The following IPP variants were observed in gnomAD, a reference collection of about 807,000 sequenced individuals.
IPP encodes intracisternal A particle-promoted polypeptide, also known as actin-binding protein IPP.
In IPP, 41 loss-of-function variants were observed where a neutral mutation model predicts 64.1. The ratio of observed to expected loss-of-function variants is 0.64; its 90% confidence interval spans 0.50 to 0.83. The LOEUF (loss-of-function observed/expected upper bound fraction) is 0.83. IPP is among the 40% of genes least tolerant of loss of function. The pLI is 0.00. For synonymous variants in IPP, 214 were observed against 235.2 expected, an observed-to-expected ratio of 0.91 and a Z score of 0.83; for missense variants, 649 against 703.0, an observed-to-expected ratio of 0.92 and a Z score of 0.87.
intron 3 of IPP, 34 bp from the exon 4 acceptor site, chr1:45,729,803 C>T: frequency 7.7e-7 from 1 of 1,295,278 alleles, no homozygotes; most frequent in East Asian, 2.5e-5. Flanking sequence ...ATGTTTTAAA[C>T]AATTTTTAAA....
At chr1:45,749,704 T>TAA (rs1388288972) in intron 1 of IPP, among the ~76,000 whole-genome samples, 1 of 151,538 alleles carries the variant, frequency 6.6e-6, no homozygotes, top group Non-Finnish European at 1.5e-5. Flanking sequence ...GCATTTTTAG[T>TAA]AGAGACGGGG....
chr1:45,717,113 T>C (rs1182842617), intron 6 of IPP, 96 bp from the exon 7 acceptor site: 1 of 1,158,802 alleles, frequency 8.6e-7, no homozygotes, highest in African/African-American at 1.6e-5. Flanking sequence ...CTTCATATTA[T>C]AGATATCACA....
Position 45,741,754 on chromosome 1 carries a change from G to A in IPP, c.293-422C>T, listed in dbSNP as rs376776560. ...CGCCATTCTCCTGCCTCAGCCTCCC[G>A]AGTAGCTGGGACTACAGGCGCCCGC... On this transcript the variant is annotated intron_variant, in intron 2 of 8. Coordinates refer to ENST00000396478, the MANE Select transcript of IPP (RefSeq NM_005897.3). Among the ~76,000 whole-genome samples the A allele has an allele frequency of 2.2e-3, 261 of 118,518 alleles. 41 individuals are homozygous for A. The highest frequency in any genetic ancestry group is 7.3e-3 in the African/African-American group (244 of 33,260). 77.8% of individuals were successfully genotyped at this position (118,518 alleles called of 152,430 possible). A position where few individuals can be genotyped will look rare whatever the true frequency, so the allele number is the denominator to read the frequency against.
At chr1:45,734,979 C>T (rs1248626721) in intron 3 of IPP, among the ~76,000 whole-genome samples, 1 of 152,174 alleles carries the variant, frequency 6.6e-6, no homozygotes, top group Non-Finnish European at 1.5e-5. Flanking sequence ...AGGATTTCAC[C>T]ATGTTGGCCA....
rs1355440032 is a variant in IPP, at chr1:45,725,831, G to T, written c.1048+1800C>A. 2.9e-5 allele frequency among the ~76,000 whole-genome samples: 4 copies of T among 136,448 alleles called. No homozygotes were observed. The Admixed American group carries it at 3.1e-4, about 10-fold the overall frequency. The allele number at this position is 136,448 out of a possible 152,430, so 89.5% of individuals were successfully genotyped here. On this transcript the variant is annotated intron_variant, in intron 5 of 8. Transcript: ENST00000396478. Reference sequence around the variant, plus strand: ...CTGAAACATGTGCTGTGTCCACTCAGAGTTAAATGGATTAAGGGCGGTGCA... The same window carrying T: ...CTGAAACATGTGCTGTGTCCACTCATAGTTAAATGGATTAAGGGCGGTGCA...
intron 8 of IPP, among the ~76,000 whole-genome samples, chr1:45,707,422 C>CAAAA (rs66578618): frequency 6.0e-4 from 44 of 73,482 alleles, no homozygotes; most frequent in Admixed American, 1.2e-3. Context: ...GACTCCATAT[C>CAAAA]AAAAAAAAAA....
intron 5 of IPP, among the ~76,000 whole-genome samples, chr1:45,720,037 T>C (rs1372788975): frequency 6.6e-6 from 1 of 151,816 alleles, no homozygotes; most frequent in Non-Finnish European, 1.5e-5. Context: ...ATGAAAAAAT[T>C]TTAAAAAGAT....
At position 45,746,348 on chromosome 1, in the gene IPP, G is replaced by A. The variant is rs751299227; in HGVS notation, c.64C>T (p.Leu22Phe). ...SPFSSDKHAQ[L>F]ILAQINKMRN... ...ATCTTATTGATTTGGGCCAAGATGA[G>A]TTGGGCATGTTTATCTGATGAAAAA... Residue 22 changes from leucine to phenylalanine, a missense_variant, in exon 2 of 9, where the codon CTC (leucine) becomes TTC (phenylalanine). By Grantham distance (22) the Leu-to-Phe change is conservative. Transcript: ENST00000396478. The A allele has an allele frequency of 1.2e-6, 2 of 1,613,772 alleles. No homozygotes were observed. Among genetic ancestry groups the A allele is most frequent in the East Asian group, 4.5e-5 (2 of 44,880 alleles).
At chr1:45,731,671 C>T (rs951472300) in intron 3 of IPP, among the ~76,000 whole-genome samples, 1 of 151,918 alleles carries the variant, frequency 6.6e-6, no homozygotes, top group African/African-American at 2.4e-5. Flanking sequence ...TGTGGTGGCT[C>T]ACGCTTCTAA....
intron 5 of IPP, among the ~76,000 whole-genome samples, chr1:45,724,243 C>G (rs899750365): frequency 6.6e-6 from 1 of 152,178 alleles, no homozygotes; most frequent in African/African-American, 2.4e-5. Flanking sequence ...CTTCGCCTCC[C>G]GAGGTGCCGG....
Position 45,737,420 on chromosome 1 carries a change from C to A in IPP, c.724+3481G>T, listed in dbSNP as rs552944413. ...TGATTTCAATTACCCATTAATATTT[C>A]CAAAATATTAAGTGGAAATTCCAGA... On this transcript the variant is annotated intron_variant, in intron 3 of 8. Transcript: ENST00000396478. 5.9e-5 allele frequency among the ~76,000 whole-genome samples: 9 copies of A among 151,532 alleles called. No individual in the cohort carries two copies. In the East Asian group the frequency reaches 1.7e-3, roughly 29 times the overall value.
At chr1:45,701,296 T>G (rs12089994) in intron 8 of IPP, among the ~76,000 whole-genome samples, 2 of 149,190 alleles carry the variant, frequency 1.3e-5, no homozygotes, top group Non-Finnish European at 3.0e-5. Context: ...TTTTTTTTTG[T>G]TTTTTTTTGA....
intron 3 of IPP, among the ~76,000 whole-genome samples, chr1:45,736,766 G>A (rs562897124): frequency 6.6e-6 from 1 of 152,006 alleles, no homozygotes; most frequent in African/African-American, 2.4e-5. Flanking sequence ...GGAGGCGGGC[G>A]CGGTGGCTCA....
Position 45,699,355 on chromosome 1 carries a change from A to G in IPP, c.*611T>C, listed in dbSNP as rs768545353. 1.0e-6 allele frequency: 1 copy of G among 984,900 alleles called. No individual in the cohort carries two copies. Among genetic ancestry groups the G allele is most frequent in the Non-Finnish European group, 1.2e-6 (1 of 829,436 alleles). The allele number at this position is 984,900 out of a possible 1,614,324, so 61.0% of individuals were successfully genotyped here. A position where few individuals can be genotyped will look rare whatever the true frequency, so the allele number is the denominator to read the frequency against. On this transcript the variant is annotated 3_prime_UTR_variant, in exon 9 of 9. Coordinates refer to ENST00000396478, the MANE Select transcript of IPP (RefSeq NM_005897.3). ...ATGGCCATGGAAAATTATGCTCTGGATATAATTGTGAATATAGAGGTCTTT... is the reference window on the plus strand; with the variant it reads ...ATGGCCATGGAAAATTATGCTCTGGGTATAATTGTGAATATAGAGGTCTTT...
At chr1:45,716,530 C>G (rs951191492) in intron 7 of IPP, among the ~76,000 whole-genome samples, 8 of 152,310 alleles carry the variant, frequency 5.3e-5, no homozygotes, top group African/African-American at 1.9e-4. Flanking sequence ...CAGGCATGAG[C>G]CACCACACCC....
At chr1:45,725,181 CCGGCCAGCCGCCCCG>C (rs1267693534) in intron 5 of IPP, among the ~76,000 whole-genome samples, 1 of 142,510 alleles carries the variant, frequency 7.0e-6, no homozygotes, top group Non-Finnish European at 1.6e-5. Context: ...AGCCCCCCGC[CCGGCCAGCCGCCCCG>C]TCCGGGAGGG....
chr1:45,717,220 A>G (rs1645671767), intron 6 of IPP, among the ~76,000 whole-genome samples: 1 of 58,854 alleles, frequency 1.7e-5, no homozygotes. Context: ...TGCTCTTTTG[A>G]GAAAAAAAAA....
chr1:45,713,587 G>C (rs1645619952), intron 8 of IPP, among the ~76,000 whole-genome samples: 1 of 151,704 alleles, frequency 6.6e-6, no homozygotes, highest in Non-Finnish European at 1.5e-5. Flanking sequence ...TCTTTTGAGA[G>C]AGGGTCTCTT....
At chr1:45,725,535 C>T (rs1645811166) in intron 5 of IPP, among the ~76,000 whole-genome samples, 1 of 138,208 alleles carries the variant, frequency 7.2e-6, no homozygotes, top group African/African-American at 2.6e-5. Context: ...CCGGCCGCCC[C>T]TACTGGGAAG....
Sources: allele counts gnomAD v4.1 joint callset (sites outside exome capture counted in the v4.1 genomes callset), GRCh38; gene constraint gnomAD v4.1.1; transcripts MANE v1.5; gene names NCBI Gene and HGNC (gene_info 2026-07-23, HGNC 2026-07-21).